Variants in AUTS2 observed in about 807,000 individuals in gnomAD.
The protein encoded by AUTS2 is autism susceptibility gene 2 protein.
AUTS2 carries 17 observed loss-of-function variants against 112.4 expected under a neutral mutation model. The ratio of observed to expected loss-of-function variants is 0.15; its 90% confidence interval spans 0.10 to 0.23. The LOEUF is 0.23. Ranked by LOEUF, AUTS2 falls within the 10% of genes least tolerant of loss-of-function variation. AUTS2 has a pLI of 1.00. For synonymous variants in AUTS2, 751 were observed against 702.7 expected (o/e 1.07, Z -1.09); for missense variants, 1,510 against 1,701.6 (o/e 0.89, Z 1.98).
chr7:70,770,591 G>C (rs1790273780), intron 10 of AUTS2, among the ~76,000 whole-genome samples: 1 of 152,194 alleles, frequency 6.6e-6, no homozygotes. Context: ...CAGATTCTCT[G>C]TATTTTTTTC....
At chr7:70,768,873 A>ATTTTT (rs1269555850) in intron 10 of AUTS2, among the ~76,000 whole-genome samples, 1 of 55,584 alleles carries the variant, frequency 1.8e-5, no homozygotes, top group Non-Finnish European at 3.3e-5. Flanking sequence ...TTTGCCAGTG[A>ATTTTT]TTTCTTTTTT....
chr7:69,956,267 G>T (rs1276384881), intron 2 of AUTS2, among the ~76,000 whole-genome samples: 2 of 152,028 alleles, frequency 1.3e-5, no homozygotes, highest in Non-Finnish European at 2.9e-5. Context: ...CCAGCTCACA[G>T]TTACAAATAC....
At chr7:70,760,804 G>A (rs979465084) in intron 6 of AUTS2, among the ~76,000 whole-genome samples, 1 of 152,224 alleles carries the variant, frequency 6.6e-6, no homozygotes, top group African/African-American at 2.4e-5. Context: ...TCCCAGAAAG[G>A]TTGATAAGAC....
chr7:69,729,631 C>A (rs1164768912), intron 1 of AUTS2, among the ~76,000 whole-genome samples: 9 of 151,992 alleles, frequency 5.9e-5, no homozygotes, highest in Admixed American at 5.9e-4. Flanking sequence ...TGTAAGTTTT[C>A]TATTTTGTGC....
At chr7:70,684,575 A>G (rs1202382083) in intron 5 of AUTS2, among the ~76,000 whole-genome samples, 1 of 140,856 alleles carries the variant, frequency 7.1e-6, no homozygotes, top group African/African-American at 2.8e-5. Context: ...GTGGCGTGGT[A>G]TGGTGTGGCG....
At chr7:70,191,560 AG>A (rs1809895366) in intron 4 of AUTS2, among the ~76,000 whole-genome samples, 1 of 152,208 alleles carries the variant, frequency 6.6e-6, no homozygotes, top group Non-Finnish European at 1.5e-5. Context: ...CTTATTTCAT[AG>A]TCATGCATTG....
At chr7:70,500,100 C>CT (rs1445475717) in intron 5 of AUTS2, among the ~76,000 whole-genome samples, 1 of 151,886 alleles carries the variant, frequency 6.6e-6, no homozygotes, top group Non-Finnish European at 1.5e-5. Context: ...CTAATCACAA[C>CT]TACACGTTTC....
At chr7:70,303,439 TAC>T (rs371608891) in intron 4 of AUTS2, among the ~76,000 whole-genome samples, 2,950 of 142,788 alleles carry the variant, frequency 0.021, 60 homozygotes, top group African/African-American at 0.045. Context: ...CGCGCGCACA[TAC>T]ACACACACAC....
intron 5 of AUTS2, among the ~76,000 whole-genome samples, chr7:70,697,558 A>AT (rs1563135627): frequency 4.2e-5 from 3 of 71,406 alleles, no homozygotes; most frequent in Non-Finnish European, 9.0e-5. Context: ...GCACTTCAGA[A>AT]TTCCCCCCCC....
chr7:70,613,288 C>T (rs1346632985), intron 5 of AUTS2, among the ~76,000 whole-genome samples: 5 of 151,376 alleles, frequency 3.3e-5, no homozygotes, highest in Admixed American at 1.3e-4. Context: ...CTTAAAAGTG[C>T]ATCATTCTTT....
Position 70,762,875 on chromosome 7 carries a change from G to A in AUTS2, c.748G>A (p.Glu250Lys). The A allele has an allele frequency of 6.2e-7, 1 of 1,611,450 alleles. No individual in the cohort carries two copies. The highest frequency in any genetic ancestry group is 1.1e-5 in the South Asian group (1 of 91,014). Residue 250 changes from glutamate to lysine, a missense_variant, in exon 7 of 19, where the codon GAG (glutamate) becomes AAG (lysine). Transcript: ENST00000342771. ...FNTVIVNKDP[E>K]LGVGTLPEHD... ...CTTTGCTCTCTCCCATGCAGATCCG[G>A]AGTTAGGTGTTGGCACGCTACCAGA...
At chr7:70,076,973 G>A (rs1238642666) in intron 2 of AUTS2, among the ~76,000 whole-genome samples, 1 of 152,068 alleles carries the variant, frequency 6.6e-6, no homozygotes, top group South Asian at 2.1e-4. Flanking sequence ...TAGATATATA[G>A]CCTAGGGGGA....
At chr7:69,848,867 G>A (rs1046632703) in intron 1 of AUTS2, among the ~76,000 whole-genome samples, 12 of 150,540 alleles carry the variant, frequency 8.0e-5, no homozygotes, top group Admixed American at 2.6e-4. Context: ...GACTCCCCCC[G>A]CCCCCCGCCA....
chr7:69,716,188 T>C (rs1161996501), intron 1 of AUTS2, among the ~76,000 whole-genome samples: 1 of 152,076 alleles, frequency 6.6e-6, no homozygotes, highest in Non-Finnish European at 1.5e-5. Context: ...CTCTTTGAAA[T>C]GTATAGGTTT....
chr7:69,607,875 C>T (rs991266913), intron 1 of AUTS2, among the ~76,000 whole-genome samples: 7 of 152,316 alleles, frequency 4.6e-5, no homozygotes, highest in African/African-American at 1.4e-4. Flanking sequence ...AACTGAAGCA[C>T]AGCCTGCAAA....
chr7:70,602,322 T>C (rs1803516238), intron 5 of AUTS2, among the ~76,000 whole-genome samples: 1 of 152,238 alleles, frequency 6.6e-6, no homozygotes, highest in Non-Finnish European at 1.5e-5. Context: ...ACTTGGCTAA[T>C]GTCACCGGTT....
chr7:70,771,685 A>C, intron 11 of AUTS2, 41 bp downstream of exon 11: 1 of 1,570,520 alleles, frequency 6.4e-7, no homozygotes, highest in Non-Finnish European at 8.8e-7. Flanking sequence ...CATGTGTCTA[A>C]GTGGCGTCCC....
intron 1 of AUTS2, among the ~76,000 whole-genome samples, chr7:69,709,102 A>C (rs557890961): frequency 6.6e-6 from 1 of 152,312 alleles, no homozygotes; most frequent in Non-Finnish European, 1.5e-5. Flanking sequence ...GGATTGTTGC[A>C]GTGAGCAGAC....
At chr7:69,756,364 A>G (rs977438763) in intron 1 of AUTS2, among the ~76,000 whole-genome samples, 1 of 152,228 alleles carries the variant, frequency 6.6e-6, no homozygotes, top group African/African-American at 2.4e-5. Flanking sequence ...CCTTGCTTAC[A>G]TATCAGCAAG....
Sources: gnomAD v4.1 joint callset for allele counts (sites outside exome capture counted in the v4.1 genomes callset) on GRCh38, gnomAD v4.1.1 for gene constraint, MANE v1.5 for transcripts, NCBI Gene and HGNC (gene_info 2026-07-23, HGNC 2026-07-21) for gene names.